The following WNT3A variants were observed in gnomAD, a reference collection of about 807,000 sequenced individuals.
WNT3A encodes the protein protein Wnt-3a.
A neutral mutation model predicts 37.0 loss-of-function variants in WNT3A; 17 were observed. The ratio of observed to expected loss-of-function variants is 0.46; its 90% CI spans 0.31 to 0.69. WNT3A has a LOEUF of 0.69. Ranked by LOEUF, WNT3A falls within the 30% of genes least tolerant of loss-of-function variation. WNT3A has a pLI of 0.05. For missense variants in WNT3A, 411 were observed against 510.2 expected, an observed-to-expected ratio of 0.81 and a Z score of 1.87; for synonymous variants, 187 against 211.0, an observed-to-expected ratio of 0.89 and a Z score of 0.99.
chr1:228,040,922 C>T (rs1461537609), intron 2 of WNT3A, among the ~76,000 whole-genome samples: 2 of 147,664 alleles, frequency 1.4e-5, no homozygotes, highest in Non-Finnish European at 3.0e-5. Context: ...ACATATCCTT[C>T]CTGTTTGATG....
In WNT3A at chr1:228,037,426, C is replaced by T. The variant is rs991325947; in HGVS notation, c.314-13230C>T. Among the ~76,000 whole-genome samples, 5 of 152,226 alleles carry T rather than the reference C, an allele frequency of 3.3e-5. No individual in the cohort carries two copies. Among genetic ancestry groups the T allele is most frequent in the Non-Finnish European group, 4.4e-5 (3 of 67,980 alleles). ...CACAAGTCCCCCTTCATCTCTCCAA[C>T]GTCTTCCCCAGGCAGGAGACAGCCC... On this transcript the variant is annotated intron_variant, in intron 2 of 3. Coordinates refer to ENST00000284523, the MANE Select transcript of WNT3A (RefSeq NM_033131.4). This position sits in a 1 kb window ranked among gnomAD's most constrained non-coding sequence, Gnocchi z 4.1.
At chr1:228,021,501 G>A (rs898939171) in intron 1 of WNT3A, among the ~76,000 whole-genome samples, 5 of 152,080 alleles carry the variant, frequency 3.3e-5, no homozygotes, top group South Asian at 2.1e-4. Context: ...TCCTCCCCAC[G>A]TGCTCACGGG....
chr1:228,013,572 A>G (rs2030440091), intron 1 of WNT3A, among the ~76,000 whole-genome samples: 1 of 152,170 alleles, frequency 6.6e-6, no homozygotes, highest in Admixed American at 6.5e-5. Context: ...GGAGAGCTCC[A>G]GGCAGGGCTG....
intron 3 of WNT3A, among the ~76,000 whole-genome samples, chr1:228,058,095 C>T (rs1335490687): frequency 6.6e-6 from 1 of 152,212 alleles, no homozygotes; most frequent in African/African-American, 2.4e-5. Flanking sequence ...GCCACCATGC[C>T]CGGCCAGAAA....
At chr1:228,024,856 G>A (rs182758920) in intron 2 of WNT3A, among the ~76,000 whole-genome samples, 30 of 152,064 alleles carry the variant, frequency 2.0e-4, no homozygotes, top group Admixed American at 2.0e-3. Context: ...TTTTGCATAT[G>A]GAAATTCAGT....
At position 228,059,070 on chromosome 1, in the gene WNT3A, C is replaced by A. The variant is rs972949582; in HGVS notation, c.664C>A (p.Pro222Thr). The change falls in exon 4 of 4, where the codon CCC becomes ACC. Residue 222 changes from proline (P) to threonine (T), a missense_variant. By Grantham distance (38) the Pro-to-Thr change is conservative. Coordinates refer to ENST00000284523, the MANE Select transcript of WNT3A (RefSeq NM_033131.4). ...CEVKTCWWSQ[P>T]DFRAIGDFLK... ...GGTGAAGACATGCTGGTGGTCGCAA[C>A]CCGACTTCCGCGCCATCGGTGACTT... 1.2e-6 allele frequency: 2 copies of A among 1,613,548 alleles called. No homozygotes were observed. The highest frequency in any genetic ancestry group is 3.3e-5 in the Admixed American group (2 of 60,004).
Position 228,022,671 on chromosome 1 carries a change from C to G in WNT3A, c.76C>G (p.Leu26Val). The G allele has an allele frequency of 6.2e-7, 1 of 1,611,620 alleles. No homozygotes were observed. Among genetic ancestry groups the G allele is most frequent in the South Asian group, 1.1e-5 (1 of 90,980 alleles). The change falls in exon 2 of 4, where the codon CTG becomes GTG. Residue 26 changes from leucine to valine, a missense_variant. By Grantham distance (32) the Leu-to-Val change is conservative. Transcript: ENST00000284523. ...ALGSYPIWWS[L>V]AVGPQYSSLG... is the part of the protein sequence containing the mutation. ...ACCGGATCTTGCCCTCTGCAGGTCG[C>G]TGGCTGTTGGGCCACAGTATTCCTC...
rs201114862 is a variant in WNT3A at position 228,050,632 on chromosome 1, C to T, written c.314-24C>T. On this transcript the variant is annotated intron_variant, in intron 2 of 3. Coordinates refer to ENST00000284523, the MANE Select transcript of WNT3A (RefSeq NM_033131.4). This position sits in a 1 kb window ranked among gnomAD's most constrained non-coding sequence, Gnocchi z 5.0. ...GTCCTTTGAGCTGAGCCCTGTTAAC[C>T]CTGCATCTCTCCTCTCTCTACAGCT... The T allele has an allele frequency of 1.3e-3, 2,058 of 1,569,990 alleles. 2 individuals carry two copies. The highest frequency in any genetic ancestry group is 1.7e-3 in the Non-Finnish European group (1,910 of 1,154,832).
chr1:228,055,177 AAAATAT>A lies in WNT3A; in HGVS notation c.580-3807_580-3802del, dbSNP rs1397722590. Among the ~76,000 whole-genome samples the A allele has an allele frequency of 2.0e-3, 84 of 41,492 alleles. 1 individual carries two copies. The highest frequency in any genetic ancestry group is 8.9e-3 in the African/African-American group (78 of 8,794). 27.2% of individuals were successfully genotyped at this position (41,492 alleles called of 152,430 possible). On this transcript the variant is annotated intron_variant, in intron 3 of 3. Transcript: ENST00000284523. ...CCGTCCCAAAAAAAAAAAAAAAAAA[AAAATAT>A]ATATATATATATATATATATATATA...
At position 228,050,716 on chromosome 1, in the gene WNT3A, C is replaced by G. The variant is rs1417726750; in HGVS notation, c.374C>G (p.Thr125Arg). ...IASAGVAFAV[T>R]RSCAEGTAAI... is the part of the protein sequence containing the mutation. ...TCAGCCGGTGTGGCCTTTGCAGTGA[C>G]ACGCTCATGTGCAGAAGGCACGGCC... Residue 125 changes from threonine to arginine, a missense_variant, in exon 3 of 4, where the codon ACA (threonine) becomes AGA (arginine). Coordinates refer to ENST00000284523, the MANE Select transcript of WNT3A (RefSeq NM_033131.4). The surrounding 1 kb of genome is among the most constrained non-coding windows in gnomAD (Gnocchi z 5.0). 6.2e-7 allele frequency: 1 copy of G among 1,614,022 alleles called. No individual in the cohort carries two copies. The highest frequency in any genetic ancestry group is 8.5e-7 in the Non-Finnish European group (1 of 1,179,950).
intron 1 of WNT3A, among the ~76,000 whole-genome samples, chr1:228,014,798 C>T (rs950522064): frequency 1.3e-5 from 2 of 152,246 alleles, no homozygotes; most frequent in East Asian, 1.9e-4. Flanking sequence ...GCATCTCTGC[C>T]GTACCTCTGG....
At chr1:228,032,918 T>C (rs551032207) in intron 2 of WNT3A, among the ~76,000 whole-genome samples, 3 of 152,380 alleles carry the variant, frequency 2.0e-5, no homozygotes, top group Admixed American at 2.0e-4. Flanking sequence ...TGCATTTCCC[T>C]GATATCTAAG....
At position 228,060,036 on chromosome 1, in the gene WNT3A, A is replaced by G; in HGVS notation, c.*571A>G. 8.4e-7 allele frequency: 1 copy of G among 1,188,160 alleles called. No homozygotes were observed. Among genetic ancestry groups the G allele is most frequent in the Admixed American group, 3.5e-5 (1 of 28,208 alleles). 73.6% of individuals were successfully genotyped at this position (1,188,160 alleles called of 1,614,324 possible). On this transcript the variant is annotated 3_prime_UTR_variant, in exon 4 of 4. Transcript: ENST00000284523. ...GGCAGAGCTTCTCCTGACCAGGGCA[A>G]GGCCCCTTCCACGGGGGCTGTGGCT...
chr1:228,037,608 C>T lies in WNT3A; in HGVS notation c.314-13048C>T, dbSNP rs539852252. On this transcript the variant is annotated intron_variant, in intron 2 of 3. Transcript: ENST00000284523. The surrounding 1 kb of genome is among the most constrained non-coding windows in gnomAD (Gnocchi z 4.1). ...CAGCTCTTTAGGGAACCAGCGTCCC[C>T]AAAGCCAGGTTGCGACCCCTGACCC... is the stretch of plus-strand genomic sequence containing the variant. Among the ~76,000 whole-genome samples the T allele has an allele frequency of 1.3e-4, 20 of 152,280 alleles. No homozygotes were observed. The South Asian group carries it at 4.1e-3, about 32-fold the overall frequency.
intron 3 of WNT3A, among the ~76,000 whole-genome samples, chr1:228,054,619 C>T (rs1343939463): frequency 1.4e-4 from 18 of 129,036 alleles, no homozygotes; most frequent in Non-Finnish European, 1.8e-4. Context: ...CAGAGTGAGA[C>T]TCTGTCTCAA....
intron 3 of WNT3A, among the ~76,000 whole-genome samples, chr1:228,056,831 G>T (rs541379686): frequency 2.8e-4 from 43 of 152,296 alleles, no homozygotes; most frequent in Admixed American, 2.0e-3. Context: ...CAGACTTTTC[G>T]GGAGCAATAA....
At chr1:228,045,165 C>CAAA (rs2031371733) in intron 2 of WNT3A, among the ~76,000 whole-genome samples, 1 of 152,206 alleles carries the variant, frequency 6.6e-6, no homozygotes, top group Admixed American at 6.5e-5. Context: ...GATCTCGAGG[C>CAAA]CCTTGTTATG....
intron 1 of WNT3A, among the ~76,000 whole-genome samples, chr1:228,014,034 T>C (rs1210560253): frequency 6.6e-6 from 1 of 152,050 alleles, no homozygotes; most frequent in Non-Finnish European, 1.5e-5. Flanking sequence ...GCCAGAGGGG[T>C]CCCAGGAGGC....
intron 1 of WNT3A, among the ~76,000 whole-genome samples, chr1:228,019,737 C>T (rs910218676): frequency 1.3e-5 from 2 of 152,228 alleles, no homozygotes; most frequent in Non-Finnish European, 2.9e-5. Flanking sequence ...TCTATCTATC[C>T]GTCTTATCTT....
Sources: allele counts gnomAD v4.1 joint callset (sites outside exome capture counted in the v4.1 genomes callset), GRCh38; gene constraint gnomAD v4.1.1; non-coding constraint Gnocchi (gnomAD v3.1); transcripts MANE v1.5; gene names NCBI Gene and HGNC (gene_info 2026-07-23, HGNC 2026-07-21).